The following PDE9A variants were observed in gnomAD, a reference collection of about 807,000 sequenced individuals.
PDE9A encodes the protein high affinity cGMP-specific 3',5'-cyclic phosphodiesterase 9A.
Under a neutral mutation model 87.4 loss-of-function variants are expected in PDE9A, and 60 were observed. That is an observed-to-expected ratio of 0.69 (90% confidence interval 0.56 to 0.85). The LOEUF (loss-of-function observed/expected upper bound fraction) is 0.85, where lower values mean the gene tolerates loss of function less well. Among genes scored for constraint, PDE9A ranks in the 40% least tolerant of loss-of-function variants. The pLI, the probability that PDE9A is intolerant of heterozygous loss-of-function variation, is 0.00. For synonymous variants in PDE9A, 272 were observed against 279.4 expected (o/e 0.97, Z 0.27); for missense variants, 665 against 779.0 (o/e 0.85, Z 1.74).
At chr21:42,775,195 C>G in intron 19 of PDE9A, 85 bp from the exon 20 acceptor site, 4 of 1,341,242 alleles carry the variant, frequency 3.0e-6, no homozygotes, top group Non-Finnish European at 4.2e-6. Context: ...CCACCTTGGT[C>G]TCTCAAAGTG....
intron 3 of PDE9A, among the ~76,000 whole-genome samples, chr21:42,691,500 A>G (rs1235537489): frequency 6.7e-6 from 1 of 150,350 alleles, no homozygotes; most frequent in African/African-American, 2.5e-5. Context: ...ACCCAGACAC[A>G]TCACCATCAC....
intron 8 of PDE9A, among the ~76,000 whole-genome samples, chr21:42,750,528 C>CATTAGAAAAAGGTTTTTTAGA (rs372736758): frequency 0.7 from 104,958 of 150,440 alleles, 36,955 homozygotes; most frequent in East Asian, 0.86. Context: ...CTTTTGAAAA[C>CATTAGAAAAAGGTTTTTTAGA]AGCTTCTAAA....
intron 15 of PDE9A, among the ~76,000 whole-genome samples, chr21:42,766,511 T>C (rs1242253749): frequency 6.6e-6 from 1 of 152,192 alleles, no homozygotes; most frequent in Admixed American, 6.5e-5. Context: ...TAGGGAACTC[T>C]CGGCTCAGGC....
chr21:42,692,173 G>T lies in PDE9A; in HGVS notation c.218+4179G>T, dbSNP rs367854412. On this transcript the variant is annotated intron_variant, in intron 3 of 19. Transcript: ENST00000291539. This position sits in a 1 kb window ranked among gnomAD's most constrained non-coding sequence, Gnocchi z 4.3. ...CTAAACGAGGCGGGGCATGCTGGGT[G>T]CAGGATGGAATGAGTTGGGGACGGA... is the stretch of plus-strand genomic sequence containing the variant. Among the ~76,000 whole-genome samples, 1 of 152,236 alleles carries T rather than the reference G, an allele frequency of 6.6e-6. No individual in the cohort carries two copies. Among genetic ancestry groups the T allele is most frequent in the African/African-American group, 2.4e-5 (1 of 41,464 alleles).
Position 42,769,021 on chromosome 21 carries a change from C to T in PDE9A, c.1462-6C>T, listed in dbSNP as rs541822339. 31 of 1,608,710 alleles carry T rather than the reference C, an allele frequency of 1.9e-5. No individual in the cohort carries two copies. The Middle Eastern group carries it at 6.6e-4, about 34-fold the overall frequency. ...CTAATGTCACTGTCTGCTGCATTCC[C>T]TGCAGAGCGACCGTGAGAAGTCAGA... On this transcript the variant is annotated splice_polypyrimidine_tract_variant and splice_region_variant and intron_variant, in intron 16 of 19. Coordinates refer to ENST00000291539, the MANE Select transcript of PDE9A (RefSeq NM_002606.3).
intron 8 of PDE9A, among the ~76,000 whole-genome samples, chr21:42,750,450 G>A (rs183594644): frequency 5.3e-5 from 8 of 151,032 alleles, no homozygotes; most frequent in Non-Finnish European, 8.9e-5. Flanking sequence ...GAGGACTTCG[G>A]TTTTCATATT....
In PDE9A at chr21:42,692,823, G is replaced by A. The variant is rs755831392; in HGVS notation, c.218+4829G>A. Among the ~76,000 whole-genome samples, 9 of 152,048 alleles carry A rather than the reference G, an allele frequency of 5.9e-5. No individual in the cohort carries two copies. Among genetic ancestry groups the A allele is most frequent in the Non-Finnish European group, 1.2e-4 (8 of 68,002 alleles). On this transcript the variant is annotated intron_variant, in intron 3 of 19. Coordinates refer to ENST00000291539, the MANE Select transcript of PDE9A (RefSeq NM_002606.3). This position sits in a 1 kb window ranked among gnomAD's most constrained non-coding sequence, Gnocchi z 4.3. ...CTCCACTCGGTGCCTGGTGACATGC[G>A]GCCATCCTCAGAGATGTGCTTCGGG...
At chr21:42,745,700 G>A (rs1433472045) in intron 8 of PDE9A, among the ~76,000 whole-genome samples, 1 of 152,234 alleles carries the variant, frequency 6.6e-6, no homozygotes, top group Non-Finnish European at 1.5e-5. Flanking sequence ...GCTTTGGCAG[G>A]AGGGTGGTGT....
In PDE9A at chr21:42,692,814, G is replaced by A. The variant is rs1206488476; in HGVS notation, c.218+4820G>A. Reference sequence around the variant, plus strand: ...CTTCCTCTCCTCCACTCGGTGCCTGGTGACATGCGGCCATCCTCAGAGATG... The same window carrying A: ...CTTCCTCTCCTCCACTCGGTGCCTGATGACATGCGGCCATCCTCAGAGATG... On this transcript the variant is annotated intron_variant, in intron 3 of 19. Transcript: ENST00000291539. The surrounding 1 kb of genome is among the most constrained non-coding windows in gnomAD (Gnocchi z 4.3). 6.6e-6 allele frequency among the ~76,000 whole-genome samples: 1 copy of A among 152,128 alleles called. No homozygotes were observed. Among genetic ancestry groups the A allele is most frequent in the Non-Finnish European group, 1.5e-5 (1 of 68,022 alleles).
At chr21:42,727,079 A>C (rs1159865580) in intron 4 of PDE9A, among the ~76,000 whole-genome samples, 5 of 44,282 alleles carry the variant, frequency 1.1e-4, no homozygotes, top group Admixed American at 9.1e-4. Context: ...TATTTCTACA[A>C]AAAAAAAAAA....
Position 42,702,484 on chromosome 21 carries a change from G to A in PDE9A, c.262+3473G>A, listed in dbSNP as rs535870519. On this transcript the variant is annotated intron_variant, in intron 4 of 19. Transcript: ENST00000291539. This position sits in a 1 kb window ranked among gnomAD's most constrained non-coding sequence, Gnocchi z 4.9. ...CTCTGTTGATTGATTTATCTCCTGG[G>A]TATGGGTCATATTTTTCTGATTCTC... Among the ~76,000 whole-genome samples, 13 of 152,136 alleles carry A rather than the reference G, an allele frequency of 8.5e-5. No homozygotes were observed. The highest frequency in any genetic ancestry group is 3.4e-3 in the Middle Eastern group (1 of 294).
intron 7 of PDE9A, among the ~76,000 whole-genome samples, chr21:42,737,848 T>C (rs886233514): frequency 6.6e-6 from 1 of 152,260 alleles, no homozygotes; most frequent in Non-Finnish European, 1.5e-5. Flanking sequence ...TTGTCTTAAA[T>C]GGAATTTCCT....
chr21:42,666,205 G>A (rs2057980156), intron 1 of PDE9A, among the ~76,000 whole-genome samples: 3 of 152,272 alleles, frequency 2.0e-5, no homozygotes, highest in Non-Finnish European at 2.9e-5. Context: ...GGCTGCAGCC[G>A]GAAGGGCGTG....
intron 17 of PDE9A, among the ~76,000 whole-genome samples, chr21:42,769,634 G>GCA (rs138702309): frequency 2.3e-5 from 1 of 43,098 alleles, no homozygotes; most frequent in Non-Finnish European, 4.2e-5. Flanking sequence ...GCACACACAG[G>GCA]CACACACAGG....
chr21:42,732,419 G>A (rs2051898179), intron 6 of PDE9A, among the ~76,000 whole-genome samples: 1 of 152,250 alleles, frequency 6.6e-6, no homozygotes, highest in Admixed American at 6.5e-5. Flanking sequence ...GGGAGAACAA[G>A]CTATAAGAAT....
In PDE9A at chr21:42,759,660, A is replaced by AGTGTGGAT. The variant is rs1292083233; in HGVS notation, c.897+581_897+588dup. Among the ~76,000 whole-genome samples the AGTGTGGAT allele has an allele frequency of 6.8e-6, 1 of 147,560 alleles. No individual in the cohort carries two copies. Among genetic ancestry groups the AGTGTGGAT allele is most frequent in the Non-Finnish European group, 1.5e-5 (1 of 66,872 alleles). On this transcript the variant is annotated intron_variant, in intron 11 of 19. Coordinates refer to ENST00000291539, the MANE Select transcript of PDE9A (RefSeq NM_002606.3). The surrounding 1 kb of genome is among the most constrained non-coding windows in gnomAD (Gnocchi z 7.2). ...GTGTGGAGGTGTGTCTGTGTGTGTC[A>AGTGTGGAT]GTGTGGATGTGTGCATGTGTATATC...
rs141633850 is a variant in PDE9A, at chr21:42,704,167, C to T, written c.262+5156C>T. On this transcript the variant is annotated intron_variant, in intron 4 of 19. Coordinates refer to ENST00000291539, the MANE Select transcript of PDE9A (RefSeq NM_002606.3). The surrounding 1 kb of genome is among the most constrained non-coding windows in gnomAD (Gnocchi z 5.3). ...TCTTCAGAGAGGATGAGCGGCCACA[C>T]GGAAGGCCAGGCTGGGTGTCCCTCC... Among the ~76,000 whole-genome samples the T allele has an allele frequency of 1.9e-3, 295 of 152,332 alleles. No individual in the cohort carries two copies. The highest frequency in any genetic ancestry group is 6.7e-3 in the African/African-American group (277 of 41,562).
chr21:42,693,771 T>C (rs1339606719), intron 3 of PDE9A, among the ~76,000 whole-genome samples: 1 of 151,828 alleles, frequency 6.6e-6, no homozygotes, highest in Admixed American at 6.6e-5. Flanking sequence ...TTTGTATTTT[T>C]AGTAAAGATG....
intron 4 of PDE9A, 54 bp from the exon 5 acceptor site, chr21:42,731,716 C>T (rs2051773065): frequency 1.9e-6 from 3 of 1,540,060 alleles, no homozygotes; most frequent in Non-Finnish European, 2.7e-6. Flanking sequence ...TAGACCTGGA[C>T]ACTAAGAGGA....
Sources: allele counts gnomAD v4.1 joint callset (sites outside exome capture counted in the v4.1 genomes callset), GRCh38; gene constraint gnomAD v4.1.1; non-coding constraint Gnocchi (gnomAD v3.1); transcripts MANE v1.5; gene names NCBI Gene and HGNC (gene_info 2026-07-23, HGNC 2026-07-21).